Variants in PUDP observed in about 807,000 individuals in gnomAD.
PUDP encodes pseudouridine 5'-phosphatase.
PUDP carries 8 observed loss-of-function variants against 9.4 expected under a neutral mutation model. That is an observed-to-expected ratio of 0.85 (90% CI 0.50 to 1.53). PUDP has a LOEUF of 1.53. Ranked by LOEUF, PUDP falls within the 40% of genes most tolerant of loss-of-function variation. The probability of loss-of-function intolerance (pLI) is 0.00; values close to 1 mark genes in which losing one functional copy is unlikely to be tolerated. For missense variants in PUDP, 188 were observed against 189.7 expected (o/e 0.99, Z 0.05); for synonymous variants, 99 against 80.7 (o/e 1.23, Z -1.22).
At chrX:7,072,933 T>C (rs914944945) in intron 3 of PUDP, among the ~76,000 whole-genome samples, 7 of 111,479 alleles carry the variant, frequency 6.3e-5, no homozygotes, top group Non-Finnish European at 1.3e-4. Flanking sequence ...AATGATGGCA[T>C]TTTTGTGGCT....
chrX:6,910,146 C>T (rs772143704), intron 3 of PUDP, among the ~76,000 whole-genome samples: 4 of 112,023 alleles, frequency 3.6e-5, no homozygotes, highest in African/African-American at 1.3e-4. Flanking sequence ...TGGAAGTGCC[C>T]TGAGCTTATC....
At chrX:6,874,750 T>G (rs1305463823) in intron 3 of PUDP, among the ~76,000 whole-genome samples, 1 of 112,410 alleles carries the variant, frequency 8.9e-6, no homozygotes, top group Non-Finnish European at 1.9e-5. Flanking sequence ...CTCCCTTGGA[T>G]TAAATAAATA....
chrX:6,872,277 G>C lies in PUDP; in HGVS notation c.*247+104856C>G, dbSNP rs185790759. 3.9e-3 allele frequency among the ~76,000 whole-genome samples: 437 copies of C among 111,755 alleles called. 2 individuals are homozygous for C. Among genetic ancestry groups the C allele is most frequent in the Non-Finnish European group, 6.8e-3 (363 of 53,108 alleles). On this transcript the variant is annotated intron_variant and NMD_transcript_variant, in intron 3 of 3. Coordinates refer to the PUDP transcript ENST00000655425. ...GCACACAGCTGTCTTCTACCAGCAA[G>C]TTTTCATTGTGCCTTGCCTTTATGC...
intron 1 of PUDP, among the ~76,000 whole-genome samples, chrX:7,026,743 T>G (rs1482735871): frequency 1.8e-5 from 2 of 112,055 alleles, no homozygotes; most frequent in African/African-American, 6.5e-5. Flanking sequence ...ACATCCCATG[T>G]TGCATAGACC....
At chrX:6,742,237 C>G (rs1476694743) in intron 3 of PUDP, among the ~76,000 whole-genome samples, 1 of 112,203 alleles carries the variant, frequency 8.9e-6, no homozygotes, top group Admixed American at 9.4e-5. Context: ...CTCTCAAAAC[C>G]CTTTTCTGGA....
intron 1 of PUDP, among the ~76,000 whole-genome samples, chrX:7,146,785 T>C (rs957402527): frequency 2.7e-5 from 3 of 109,938 alleles, no homozygotes; most frequent in African/African-American, 1.0e-4. Context: ...CAGCTTGGCT[T>C]ATTAGCTGTG....
intron 1 of PUDP, among the ~76,000 whole-genome samples, chrX:6,720,256 GTGTA>G (rs1176103176): frequency 5.4e-5 from 2 of 37,141 alleles, no homozygotes; most frequent in African/African-American, 1.6e-4. Flanking sequence ...GTGTGTGTGT[GTGTA>G]TATATATATA....
chrX:7,086,063 C>T (rs1997188), intron 2 of PUDP, among the ~76,000 whole-genome samples: 36,456 of 110,148 alleles, frequency 0.33, 4,686 homozygotes, highest in Middle Eastern at 0.46. Flanking sequence ...TTCCTGCTTT[C>T]TGCAATTTTC....
chrX:6,877,719 T>C (rs901416537), intron 3 of PUDP, among the ~76,000 whole-genome samples: 12 of 111,904 alleles, frequency 1.1e-4, no homozygotes, highest in Non-Finnish European at 2.1e-4. Context: ...TGACTAAGCT[T>C]GTTACGAGTA....
intron 3 of PUDP, among the ~76,000 whole-genome samples, chrX:6,927,506 C>T (rs1215035458): frequency 1.8e-5 from 2 of 112,148 alleles, no homozygotes; most frequent in Non-Finnish European, 3.8e-5. Context: ...GACATCAACT[C>T]AGTTCACATC....
At chrX:6,744,796 C>T (rs1355646061) in intron 3 of PUDP, among the ~76,000 whole-genome samples, 1 of 111,496 alleles carries the variant, frequency 9.0e-6, no homozygotes, top group Non-Finnish European at 1.9e-5. Flanking sequence ...AGGCCATATG[C>T]ACAATGCAAA....
At chrX:6,742,665 C>T (rs928144043) in intron 3 of PUDP, among the ~76,000 whole-genome samples, 5 of 111,881 alleles carry the variant, frequency 4.5e-5, no homozygotes, top group Non-Finnish European at 9.4e-5. Flanking sequence ...GTCCCAGCTA[C>T]TCAGGAGGCT....
intron 3 of PUDP, among the ~76,000 whole-genome samples, chrX:6,733,808 C>T (rs935259683): frequency 5.4e-5 from 4 of 73,718 alleles, no homozygotes; most frequent in African/African-American, 1.6e-4. Flanking sequence ...GATGGAATCT[C>T]GCTCTGTTGC....
At chrX:7,127,900 C>A (rs773825346) in intron 1 of PUDP, among the ~76,000 whole-genome samples, 1 of 112,169 alleles carries the variant, frequency 8.9e-6, no homozygotes, top group African/African-American at 3.2e-5. Flanking sequence ...ATTCAGACAA[C>A]TGAAGTACTC....
In PUDP at chrX:7,138,211, T is replaced by A. The variant is rs146967822; in HGVS notation, c.61+9842A>T. On this transcript the variant is annotated intron_variant, in intron 1 of 3. Coordinates refer to ENST00000381077, the MANE Select transcript of PUDP (RefSeq NM_012080.5). Reference sequence around the variant, plus strand: ...CAAATCCAGAATGTAGGCTGGTGTCTCGATAACCATCCTAGACTCTTCTGA... The same window carrying A: ...CAAATCCAGAATGTAGGCTGGTGTCACGATAACCATCCTAGACTCTTCTGA... 2.2e-3 allele frequency among the ~76,000 whole-genome samples: 245 copies of A among 111,273 alleles called. 1 individual carries two copies. The highest frequency in any genetic ancestry group is 3.9e-3 in the Non-Finnish European group (205 of 53,025).
At chrX:6,715,058 A>G (rs970363434) in intron 1 of PUDP, among the ~76,000 whole-genome samples, 3 of 110,209 alleles carry the variant, frequency 2.7e-5, no homozygotes, top group African/African-American at 1.0e-4. Flanking sequence ...ATCAAAATGT[A>G]TATATACACA....
intron 1 of PUDP, among the ~76,000 whole-genome samples, chrX:6,720,234 GTA>G (rs1569086926): frequency 2.8e-5 from 2 of 72,182 alleles, no homozygotes; most frequent in African/African-American, 1.1e-4. Flanking sequence ...ATATATGTGT[GTA>G]TATATGTATG....
chrX:6,903,490 G>T (rs970978698), intron 3 of PUDP, among the ~76,000 whole-genome samples: 5 of 111,469 alleles, frequency 4.5e-5, no homozygotes, highest in South Asian at 3.8e-4. Context: ...ACCTGCACTT[G>T]TATGTTCATT....
chrX:7,020,937 A>G (rs1904544906), intron 1 of PUDP, among the ~76,000 whole-genome samples: 1 of 112,437 alleles, frequency 8.9e-6, no homozygotes, highest in Non-Finnish European at 1.9e-5. Flanking sequence ...CTGGCCACTG[A>G]GAGGTGGCCC....
Sources: gnomAD v4.1 joint callset for allele counts (sites outside exome capture counted in the v4.1 genomes callset) on GRCh38, gnomAD v4.1.1 for gene constraint, MANE v1.5 for transcripts, NCBI Gene and HGNC (gene_info 2026-07-23, HGNC 2026-07-21) for gene names.